The following ZNF81 variants were observed in gnomAD, a reference collection of about 807,000 sequenced individuals.
The protein encoded by ZNF81 is zinc finger protein 81, also known as zinc finger protein 81 (HFZ20).
Under a neutral mutation model 32.3 loss-of-function variants are expected in ZNF81, and 5 were observed. The observed-to-expected ratio is 0.15, with a 90% CI of 0.08 to 0.33. The LOEUF (loss-of-function observed/expected upper bound fraction) is 0.33. ZNF81 is among the 10% of genes least tolerant of loss of function. The pLI is 1.00. For missense variants in ZNF81, 379 were observed against 479.8 expected (o/e 0.79, Z 1.96); for synonymous variants, 163 against 166.8 (o/e 0.98, Z 0.17).
intron 1 of ZNF81, among the ~76,000 whole-genome samples, chrX:47,843,584 G>C (rs1341710036): frequency 1.8e-5 from 2 of 111,546 alleles, no homozygotes; most frequent in East Asian, 5.6e-4. Context: ...CTGCAGTGAT[G>C]CAACTGTGGC....
At chrX:47,914,018 G>T (rs2058747701) in intron 4 of ZNF81, among the ~76,000 whole-genome samples, 1 of 111,061 alleles carries the variant, frequency 9.0e-6, no homozygotes, top group Non-Finnish European at 1.9e-5. Flanking sequence ...CACATACCAG[G>T]ATTCAATATA....
Position 47,915,932 on chromosome X carries a change from T to C in ZNF81, c.1286T>C (p.Leu429Pro), listed in dbSNP as rs1556890705. ...CGKAFTQKST[L>P]RMHQRIHTGE... ...AAAGCCTTTACCCAAAAATCAACAC[T>C]CAGGATGCATCAGAGAATTCATACA... The change falls in exon 5 of 5, where the codon CTC becomes CCC. Residue 429 changes from leucine (L) to proline (P), a missense_variant. Transcript: ENST00000338637. 1 of 1,210,204 alleles carries C rather than the reference T, an allele frequency of 8.3e-7. No homozygotes were observed. The highest frequency in any genetic ancestry group is 1.1e-6 in the Non-Finnish European group (1 of 895,044).
At chrX:47,861,085 T>C (rs192290919) in intron 2 of ZNF81, 12 of 112,290 alleles carry the variant, frequency 1.1e-4, no homozygotes, top group African/African-American at 3.2e-4. Context: ...CTAGCAATTA[T>C]TGAACCCGAG....
intron 2 of ZNF81, among the ~76,000 whole-genome samples, chrX:47,873,724 C>T (rs931896106): frequency 4.5e-5 from 5 of 111,489 alleles, no homozygotes; most frequent in Non-Finnish European, 9.4e-5. Flanking sequence ...TGGAGTGCAG[C>T]GGCACAATCT....
intron 3 of ZNF81, among the ~76,000 whole-genome samples, chrX:47,891,197 C>CA (rs1457384352): frequency 8.9e-6 from 1 of 112,438 alleles, no homozygotes; most frequent in African/African-American, 3.2e-5. Context: ...ACAAGTATCA[C>CA]AAAAAAACAT....
At chrX:47,875,420 G>A (rs2058596215) in intron 2 of ZNF81, among the ~76,000 whole-genome samples, 1 of 112,202 alleles carries the variant, frequency 8.9e-6, no homozygotes, top group Non-Finnish European at 1.9e-5. Context: ...CAAATGTTAT[G>A]TACAGATATG....
At chrX:47,908,147 A>G (rs782628628) in intron 4 of ZNF81, among the ~76,000 whole-genome samples, 3 of 111,526 alleles carry the variant, frequency 2.7e-5, no homozygotes, top group African/African-American at 9.7e-5. Flanking sequence ...TGCAATACAT[A>G]TATTTGACAA....
At chrX:47,868,692 A>G (rs1334594805) in intron 2 of ZNF81, among the ~76,000 whole-genome samples, 4 of 111,058 alleles carry the variant, frequency 3.6e-5, no homozygotes, top group Admixed American at 2.9e-4. Flanking sequence ...ATCTCAAAAG[A>G]GTTAGGTATA....
Position 47,923,589 on chromosome X carries a change from G to A in ZNF81, c.*6957G>A. On this transcript the variant is annotated 3_prime_UTR_variant, in exon 5 of 5. Transcript: ENST00000338637. ...CACAGAGGTTGTTGTTGGCTTTGATGAATGCTATTTTGGAAGTAAATTTAA... is the reference window on the plus strand; with the variant it reads ...CACAGAGGTTGTTGTTGGCTTTGATAAATGCTATTTTGGAAGTAAATTTAA... Among the ~76,000 whole-genome samples, 1 of 111,999 alleles carries A rather than the reference G, an allele frequency of 8.9e-6. No individual in the cohort carries two copies. Among genetic ancestry groups the A allele is most frequent in the East Asian group, 2.8e-4 (1 of 3,557 alleles).
At chrX:47,883,006 A>G (rs1294467224) in intron 2 of ZNF81, among the ~76,000 whole-genome samples, 2 of 112,409 alleles carry the variant, frequency 1.8e-5, no homozygotes, top group Non-Finnish European at 3.8e-5. Context: ...AAAAACAAAA[A>G]CAAAAAAAGA....
intron 2 of ZNF81, among the ~76,000 whole-genome samples, chrX:47,871,078 T>A (rs2148018780): frequency 8.9e-6 from 1 of 111,898 alleles, no homozygotes; most frequent in South Asian, 3.8e-4. Flanking sequence ...GTCAGCCGTG[T>A]GTTAACCGTA....
At chrX:47,913,166 G>A (rs143990491) in intron 4 of ZNF81, among the ~76,000 whole-genome samples, 1,164 of 111,838 alleles carry the variant, frequency 0.01, 17 homozygotes, top group African/African-American at 0.037. Context: ...AATTTTGGAT[G>A]TTTGCTGATA....
At chrX:47,875,881 A>G (rs989156084) in intron 2 of ZNF81, among the ~76,000 whole-genome samples, 1 of 112,648 alleles carries the variant, frequency 8.9e-6, no homozygotes, top group Admixed American at 9.4e-5. Flanking sequence ...AATCCATTAC[A>G]TACGTGTTCT....
chrX:47,901,681 T>C (rs1223357030), intron 4 of ZNF81, among the ~76,000 whole-genome samples: 4 of 110,682 alleles, frequency 3.6e-5, no homozygotes, highest in Non-Finnish European at 7.6e-5. Flanking sequence ...TCTTTTTATG[T>C]ATTTCTTGAT....
At chrX:47,838,019 A>G (rs1377327982) in intron 1 of ZNF81, among the ~76,000 whole-genome samples, 4 of 111,960 alleles carry the variant, frequency 3.6e-5, no homozygotes, top group Non-Finnish European at 7.5e-5. Context: ...TAAATGGTGT[A>G]TTTTAATTTT....
intron 2 of ZNF81, among the ~76,000 whole-genome samples, chrX:47,882,035 A>T (rs1317857516): frequency 9.0e-6 from 1 of 111,561 alleles, no homozygotes; most frequent in Non-Finnish European, 1.9e-5. Flanking sequence ...AAGTGCTGGG[A>T]TTATAGGCAT....
At chrX:47,884,047 A>G (rs1280016300) in intron 2 of ZNF81, among the ~76,000 whole-genome samples, 1 of 109,630 alleles carries the variant, frequency 9.1e-6, no homozygotes. Context: ...GGAGTTCAAC[A>G]TCAGCCTGGC....
At chrX:47,856,078 A>G (rs1352523729) in intron 2 of ZNF81, among the ~76,000 whole-genome samples, 1 of 105,243 alleles carries the variant, frequency 9.5e-6, no homozygotes, top group Non-Finnish European at 2.0e-5. Flanking sequence ...AAAAAAAAGA[A>G]TTGAGTATGT....
At chrX:47,848,458 A>AT (rs2058480266) in intron 2 of ZNF81, among the ~76,000 whole-genome samples, 1 of 111,106 alleles carries the variant, frequency 9.0e-6, no homozygotes, top group South Asian at 3.7e-4. Context: ...ATGCTGTTAT[A>AT]TTTTTTCTTT....
Sources: allele counts gnomAD v4.1 joint callset (sites outside exome capture counted in the v4.1 genomes callset), GRCh38; gene constraint gnomAD v4.1.1; transcripts MANE v1.5; gene names NCBI Gene and HGNC (gene_info 2026-07-23, HGNC 2026-07-21).